The following VPS13B variants were observed in gnomAD, a reference collection of about 807,000 sequenced individuals.
VPS13B encodes the protein intermembrane lipid transfer protein VPS13B.
VPS13B carries 285 observed loss-of-function variants against 426.4 expected under a neutral mutation model. The ratio of observed to expected loss-of-function variants is 0.67; its 90% CI spans 0.61 to 0.74. The LOEUF is 0.74. Ranked by LOEUF, VPS13B falls within the 30% of genes least tolerant of loss-of-function variation. The pLI, the probability that VPS13B is intolerant of heterozygous loss-of-function variation, is 0.00. For synonymous variants in VPS13B, 1,676 were observed against 1,676.4 expected, an observed-to-expected ratio of 1.00 and a Z score of 0.01; for missense variants, 4,537 against 4,782.6, an observed-to-expected ratio of 0.95 and a Z score of 1.51.
chr8:99,071,933 G>A (rs954067093), intron 3 of VPS13B, among the ~76,000 whole-genome samples: 1 of 152,158 alleles, frequency 6.6e-6, no homozygotes, highest in Non-Finnish European at 1.5e-5. Flanking sequence ...TCAGCTTGTG[G>A]TGATTGCTTC....
rs562677047 is a variant in VPS13B at position 99,083,527 on chromosome 8, C to G, written c.292-12785C>G. Among the ~76,000 whole-genome samples the G allele has an allele frequency of 2.8e-3, 412 of 149,072 alleles. 3 individuals carry two copies. Among genetic ancestry groups the G allele is most frequent in the African/African-American group, 9.8e-3 (394 of 40,276 alleles). ...GAGTGGTGAGAGAGGGCATCCCTGTCTTGTGCCAGTTTTCAAAGGGAATGC... is the reference window on the plus strand; with the variant it reads ...GAGTGGTGAGAGAGGGCATCCCTGTGTTGTGCCAGTTTTCAAAGGGAATGC... On this transcript the variant is annotated intron_variant, in intron 3 of 61. Coordinates refer to ENST00000357162, the MANE Select transcript of VPS13B (RefSeq NM_152564.5).
chr8:99,097,513 A>G (rs1588032752), intron 4 of VPS13B, among the ~76,000 whole-genome samples: 1 of 152,178 alleles, frequency 6.6e-6, no homozygotes, highest in Admixed American at 6.5e-5. Context: ...AGCCAAAGGA[A>G]GATGAGCTCT....
At chr8:99,747,307 T>C (rs1810141025) in intron 39 of VPS13B, among the ~76,000 whole-genome samples, 1 of 152,024 alleles carries the variant, frequency 6.6e-6, no homozygotes, top group East Asian at 1.9e-4. Context: ...AAAGTTTTAA[T>C]TTTGGCTTTT....
chr8:99,391,534 G>A, intron 20 of VPS13B, 23 bp from the exon 21 acceptor site: 3 of 1,613,990 alleles, frequency 1.9e-6, no homozygotes, highest in South Asian at 2.2e-5. Context: ...AACTAAAAAG[G>A]TTTTCATTTT....
Position 99,866,230 on chromosome 8 carries a change from G to T in VPS13B, c.11216-2059G>T, listed in dbSNP as rs373283524. 1.4e-4 allele frequency among the ~76,000 whole-genome samples: 21 copies of T among 152,332 alleles called. No individual in the cohort carries two copies. In the East Asian group the frequency reaches 3.9e-3, roughly 28 times the overall value. ...GACAGTCCATAATTTACCAGTTGTGGGATTTAGCTGGATATACTTCAGAGG... is the reference window on the plus strand; with the variant it reads ...GACAGTCCATAATTTACCAGTTGTGTGATTTAGCTGGATATACTTCAGAGG... On this transcript the variant is annotated intron_variant, in intron 58 of 61. Transcript: ENST00000357162.
chr8:99,285,376 A>T (rs999664149), intron 19 of VPS13B, among the ~76,000 whole-genome samples: 1 of 152,074 alleles, frequency 6.6e-6, no homozygotes, highest in Admixed American at 6.6e-5. Flanking sequence ...ACAAGGTCAA[A>T]TTTTTTGCAT....
intron 19 of VPS13B, among the ~76,000 whole-genome samples, chr8:99,296,233 AT>A (rs1253869557): frequency 9.9e-5 from 15 of 152,174 alleles, no homozygotes; most frequent in Non-Finnish European, 1.6e-4. Flanking sequence ...CTATCCAAAT[AT>A]TACCTGTGTA....
intron 44 of VPS13B, among the ~76,000 whole-genome samples, chr8:99,815,651 C>T (rs904763833): frequency 1.4e-5 from 2 of 144,366 alleles, no homozygotes; most frequent in African/African-American, 5.5e-5. Flanking sequence ...TGTACATATA[C>T]TGTGTATGTG....
intron 17 of VPS13B, among the ~76,000 whole-genome samples, chr8:99,240,433 C>T (rs1816862037): frequency 6.6e-6 from 1 of 152,044 alleles, no homozygotes; most frequent in South Asian, 2.1e-4. Context: ...TAAATGTTGT[C>T]TACTACATAA....
At chr8:99,440,825 C>T (rs796067555) in intron 22 of VPS13B, among the ~76,000 whole-genome samples, 1 of 151,934 alleles carries the variant, frequency 6.6e-6, no homozygotes, top group Non-Finnish European at 1.5e-5. Flanking sequence ...CTAATTACCT[C>T]ACAATATTGA....
intron 14 of VPS13B, among the ~76,000 whole-genome samples, chr8:99,155,679 A>G (rs889026842): frequency 2.0e-5 from 3 of 152,196 alleles, no homozygotes; most frequent in African/African-American, 4.8e-5. Flanking sequence ...ATTCTCAGTA[A>G]TGGCACTTTT....
At chr8:99,459,983 C>G (rs547609318) in intron 23 of VPS13B, among the ~76,000 whole-genome samples, 1 of 151,960 alleles carries the variant, frequency 6.6e-6, no homozygotes, top group Non-Finnish European at 1.5e-5. Flanking sequence ...GTTAAACTTA[C>G]TTTTGGTTTT....
chr8:99,817,672 C>T lies in VPS13B; in HGVS notation c.8230C>T (p.Gln2744Ter), dbSNP rs2130810847. Residue 2744 changes from glutamine to a stop codon, truncating the protein, a stop_gained, in exon 45 of 62, where the codon CAG becomes TAG. Transcript: ENST00000357162. LOFTEE classifies it high-confidence loss of function. ...REHFDCLTAKQKLPSYILENN... is the reference protein window; with the variant it reads ...REHFDCLTAK ...ACATTTTGACTGCCTCACAGCCAAA[C>T]AGAAATTGCCTTCGTACATACTAGA... 3.1e-6 allele frequency: 5 copies of T among 1,614,074 alleles called. No homozygotes were observed. The highest frequency in any genetic ancestry group is 4.2e-6 in the Non-Finnish European group (5 of 1,179,994).
At chr8:99,567,733 A>G (rs1426846331) in intron 31 of VPS13B, among the ~76,000 whole-genome samples, 1 of 152,064 alleles carries the variant, frequency 6.6e-6, no homozygotes, top group Non-Finnish European at 1.5e-5. Flanking sequence ...TATTATACTT[A>G]TCATACCTTA....
At chr8:99,713,996 C>T (rs543213501) in intron 36 of VPS13B, among the ~76,000 whole-genome samples, 6 of 151,980 alleles carry the variant, frequency 3.9e-5, no homozygotes, top group Admixed American at 6.6e-5. Flanking sequence ...AAAAATTATC[C>T]GGGCATGTTG....
At chr8:99,532,927 T>C (rs1588468935) in intron 30 of VPS13B, among the ~76,000 whole-genome samples, 1 of 150,982 alleles carries the variant, frequency 6.6e-6, no homozygotes, top group Non-Finnish European at 1.5e-5. Flanking sequence ...GCATAATCAA[T>C]TCACTGAGGG....
At chr8:99,523,170 G>A (rs1280927821) in intron 30 of VPS13B, among the ~76,000 whole-genome samples, 2 of 152,166 alleles carry the variant, frequency 1.3e-5, no homozygotes, top group Admixed American at 1.3e-4. Flanking sequence ...ACTTTGTCTT[G>A]CGGCTTGGGT....
At chr8:99,404,848 A>G (rs1815240182) in intron 21 of VPS13B, among the ~76,000 whole-genome samples, 1 of 152,230 alleles carries the variant, frequency 6.6e-6, no homozygotes, top group Non-Finnish European at 1.5e-5. Context: ...AAGTTTACCC[A>G]GCAATACCTC....
chr8:99,422,814 A>C (rs1211196524), intron 21 of VPS13B, among the ~76,000 whole-genome samples: 1 of 152,190 alleles, frequency 6.6e-6, no homozygotes, highest in African/African-American at 2.4e-5. Context: ...TTCCCTCCTC[A>C]GAGGTACTCT....
Sources: gnomAD v4.1 joint callset for allele counts (sites outside exome capture counted in the v4.1 genomes callset) on GRCh38, gnomAD v4.1.1 for gene constraint, MANE v1.5 for transcripts, NCBI Gene and HGNC (gene_info 2026-07-23, HGNC 2026-07-21) for gene names.